Variants in PTPRD observed in about 807,000 individuals in gnomAD.
The protein encoded by PTPRD is receptor-type tyrosine-protein phosphatase delta.
Under a neutral mutation model 214.5 loss-of-function variants are expected in PTPRD, and 34 were observed. The ratio of observed to expected loss-of-function variants is 0.16; its 90% CI spans 0.12 to 0.21. The LOEUF (loss-of-function observed/expected upper bound fraction) is 0.21. Among genes scored for constraint, PTPRD ranks in the 10% least tolerant of loss-of-function variants. The pLI is 1.00. For missense variants in PTPRD, 2,545 were observed against 2,398.7 expected, an observed-to-expected ratio of 1.06 and a Z score of -1.27; for synonymous variants, 1,128 against 845.7, an observed-to-expected ratio of 1.33 and a Z score of -5.79.
At chr9:10,150,043 T>C (rs772601768) in intron 3 of PTPRD, among the ~76,000 whole-genome samples, 8 of 152,188 alleles carry the variant, frequency 5.3e-5, no homozygotes, top group Non-Finnish European at 8.8e-5. Context: ...CCATTATTTT[T>C]ATAATTAAAA....
chr9:9,704,099 G>A (rs2154416473), intron 7 of PTPRD, among the ~76,000 whole-genome samples: 1 of 152,110 alleles, frequency 6.6e-6, no homozygotes, highest in East Asian at 1.9e-4. Flanking sequence ...CCTGAAACCA[G>A]ATAATAGCCT....
intron 7 of PTPRD, among the ~76,000 whole-genome samples, chr9:9,697,368 G>C (rs2097398207): frequency 6.6e-6 from 1 of 152,076 alleles, no homozygotes; most frequent in Admixed American, 6.6e-5. Flanking sequence ...AGATGGGTCT[G>C]ATGGTTATAA....
intron 8 of PTPRD, among the ~76,000 whole-genome samples, chr9:9,563,086 G>T (rs1447248647): frequency 1.3e-5 from 2 of 152,048 alleles, no homozygotes; most frequent in Non-Finnish European, 2.9e-5. Flanking sequence ...GGTTATAATT[G>T]TACCCACTTT....
intron 11 of PTPRD, among the ~76,000 whole-genome samples, chr9:8,911,414 G>T (rs199823860): frequency 3.0e-5 from 4 of 132,144 alleles, no homozygotes; most frequent in East Asian, 2.3e-4. Flanking sequence ...GTGTGTGTGT[G>T]TTGTGTGTGT....
chr9:8,414,960 A>AGAGAGAGG (rs2093815832), intron 35 of PTPRD, among the ~76,000 whole-genome samples: 1 of 142,926 alleles, frequency 7.0e-6, no homozygotes, highest in African/African-American at 2.7e-5. Context: ...AGAGAGAGAG[A>AGAGAGAGG]GAGAGAGAGA....
intron 6 of PTPRD, among the ~76,000 whole-genome samples, chr9:9,752,897 C>A (rs2154467705): frequency 6.6e-6 from 1 of 152,126 alleles, no homozygotes; most frequent in South Asian, 2.1e-4. Context: ...AAACACACAG[C>A]ATACTTTGCT....
intron 2 of PTPRD, among the ~76,000 whole-genome samples, chr9:10,498,132 T>A (rs1023947200): frequency 6.6e-6 from 1 of 151,950 alleles, no homozygotes; most frequent in Non-Finnish European, 1.5e-5. Context: ...ATGGATTTGG[T>A]TGAACTCCCT....
At chr9:9,775,973 A>AAAAAG (rs2098795546) in intron 5 of PTPRD, among the ~76,000 whole-genome samples, 1 of 151,032 alleles carries the variant, frequency 6.6e-6, no homozygotes, top group Non-Finnish European at 1.5e-5. Context: ...AAAAAAAAAA[A>AAAAAG]AAAAAAGCAA....
At chr9:9,280,383 A>G (rs1012944565) in intron 9 of PTPRD, among the ~76,000 whole-genome samples, 4 of 151,296 alleles carry the variant, frequency 2.6e-5, no homozygotes, top group African/African-American at 9.7e-5. Flanking sequence ...AAAATCCAAA[A>G]TAATCTACAA....
chr9:8,605,646 T>A (rs2095163520), intron 14 of PTPRD, among the ~76,000 whole-genome samples: 1 of 152,178 alleles, frequency 6.6e-6, no homozygotes, highest in Non-Finnish European at 1.5e-5. Flanking sequence ...CAAGATACTG[T>A]GAGGATGAAA....
chr9:9,388,066 A>T (rs1371314077), intron 9 of PTPRD, among the ~76,000 whole-genome samples: 2 of 152,054 alleles, frequency 1.3e-5, no homozygotes, highest in Admixed American at 6.6e-5. Flanking sequence ...TGGGCTTGGG[A>T]AATTAGTGCA....
In PTPRD at chr9:9,730,546, T is replaced by C. The variant is rs139499687; in HGVS notation, c.-287+3987A>G. Among the ~76,000 whole-genome samples, 623 of 152,240 alleles carry C rather than the reference T, an allele frequency of 4.1e-3. 3 individuals are homozygous for C. The highest frequency in any genetic ancestry group is 0.014 in the African/African-American group (597 of 41,572). On this transcript the variant is annotated intron_variant, in intron 7 of 45. Coordinates refer to ENST00000381196, the MANE Select transcript of PTPRD (RefSeq NM_002839.4). Reference sequence around the variant, plus strand: ...GAATTTTTCTCAATAACTATATAAGTACAAAAGATAAAATCTTGTTTTAAC... The same window carrying C: ...GAATTTTTCTCAATAACTATATAAGCACAAAAGATAAAATCTTGTTTTAAC...
chr9:8,702,040 T>C (rs1221646299), intron 12 of PTPRD, among the ~76,000 whole-genome samples: 2 of 152,192 alleles, frequency 1.3e-5, no homozygotes, highest in Non-Finnish European at 2.9e-5. Flanking sequence ...GGCAGACCAC[T>C]TTATTTTTTT....
intron 5 of PTPRD, among the ~76,000 whole-genome samples, chr9:9,818,370 T>C (rs1228027655): frequency 6.6e-6 from 1 of 152,144 alleles, no homozygotes; most frequent in Non-Finnish European, 1.5e-5. Flanking sequence ...TTGTGTTTCT[T>C]CTGCTCATTA....
chr9:10,354,440 C>G (rs1200732685), intron 2 of PTPRD, among the ~76,000 whole-genome samples: 2 of 152,146 alleles, frequency 1.3e-5, no homozygotes, highest in Non-Finnish European at 2.9e-5. Context: ...ATCTTGTCCT[C>G]TTCATCACTT....
At chr9:10,097,998 T>C (rs2098509743) in intron 3 of PTPRD, among the ~76,000 whole-genome samples, 2 of 151,832 alleles carry the variant, frequency 1.3e-5, no homozygotes, top group Non-Finnish European at 2.9e-5. Flanking sequence ...ACGGGGTACA[T>C]ACCCAAAGGA....
At chr9:10,285,601 T>G in intron 3 of PTPRD, among the ~76,000 whole-genome samples, 1 of 138,456 alleles carries the variant, frequency 7.2e-6, no homozygotes, top group African/African-American at 3.0e-5. Flanking sequence ...TTTTGGGGTC[T>G]CATCTTTTTT....
chr9:10,167,071 C>T (rs2099163622), intron 3 of PTPRD, among the ~76,000 whole-genome samples: 1 of 151,392 alleles, frequency 6.6e-6, no homozygotes, highest in African/African-American at 2.4e-5. Context: ...ACCTAAAATA[C>T]AGAATTTATC....
chr9:10,473,593 C>T (rs1343929683), intron 2 of PTPRD, among the ~76,000 whole-genome samples: 2 of 152,030 alleles, frequency 1.3e-5, no homozygotes, highest in African/African-American at 4.8e-5. Context: ...CATTTTGTAA[C>T]TAAAATACCA....
Sources: gnomAD v4.1 joint callset for allele counts (sites outside exome capture counted in the v4.1 genomes callset) on GRCh38, gnomAD v4.1.1 for gene constraint, MANE v1.5 for transcripts, NCBI Gene and HGNC (gene_info 2026-07-23, HGNC 2026-07-21) for gene names.